ACAD11: variants seen among roughly 807,000 people sequenced by gnomAD.
ACAD11 encodes acyl-CoA dehydrogenase family member 11.
Under a neutral mutation model 102.2 loss-of-function variants are expected in ACAD11, and 83 were observed. The ratio of observed to expected loss-of-function variants is 0.81; its 90% CI spans 0.68 to 0.97. The LOEUF is 0.97. ACAD11 is among the 50% of genes least tolerant of loss of function. The pLI, the probability that ACAD11 is intolerant of heterozygous loss-of-function variation, is 0.00. For missense variants in ACAD11, 901 were observed against 951.7 expected (o/e 0.95, Z 0.70); for synonymous variants, 324 against 319.8 (o/e 1.01, Z -0.14).
At chr3:132,603,157 A>G in intron 13 of ACAD11, 72 bp downstream of exon 13, 1 of 1,227,062 alleles carries the variant, frequency 8.1e-7, no homozygotes. Flanking sequence ...TATGTATCAT[A>G]GCAATATTCT....
At position 132,583,250 on chromosome 3, in the gene ACAD11, G is replaced by T. The variant is rs138012345; in HGVS notation, c.1622-3692C>A. Among the ~76,000 whole-genome samples the T allele has an allele frequency of 5.9e-3, 896 of 152,276 alleles. 7 individuals are homozygous for T. Among genetic ancestry groups the T allele is most frequent in the African/African-American group, 0.02 (837 of 41,562 alleles). ...AGACCCTGTTATTGGTCTATTCAGA[G>T]ATTCAACTTCTTCCTCGTTTAGTCT... On this transcript the variant is annotated intron_variant, in intron 13 of 19. Transcript: ENST00000264990.
At chr3:132,559,720 T>C (rs1381192735) in intron 19 of ACAD11, 113 bp downstream of exon 19, 43 of 778,176 alleles carry the variant, frequency 5.5e-5, no homozygotes, top group Non-Finnish European at 6.5e-5. Context: ...ATCACTTCAT[T>C]TAGCCTTCAA....
chr3:132,632,595 T>C (rs140163451), intron 5 of ACAD11, among the ~76,000 whole-genome samples: 1 of 152,178 alleles, frequency 6.6e-6, no homozygotes, highest in East Asian at 1.9e-4. Context: ...TTTAAAGCAG[T>C]TTTTTCCAAT....
chr3:132,642,092 T>C lies in ACAD11; in HGVS notation c.417A>G (p.Pro139=). Residue 139 remains proline, a synonymous_variant, in exon 4 of 20, where the codon CCA becomes CCG. Transcript: ENST00000264990. ...FRDLTIPGLS[P]AERSAIYVAT... ...CCACATATATGGCTGAACGTTCTGC[T>C]GGGCTAAGTCCAGGAATTGTTAAAT... 1 of 1,614,110 alleles carries C rather than the reference T, an allele frequency of 6.2e-7. No homozygotes were observed. Among genetic ancestry groups the C allele is most frequent in the Non-Finnish European group, 8.5e-7 (1 of 1,179,966 alleles).
chr3:132,657,866 CTTTTTTTTTTT>C (rs56190801), intron 1 of ACAD11, among the ~76,000 whole-genome samples: 3 of 119,166 alleles, frequency 2.5e-5, no homozygotes, highest in Non-Finnish European at 5.2e-5. Context: ...ACACATATTC[CTTTTTTTTTTT>C]TTTTTTTTTG....
chr3:132,610,277 A>G (rs897180787), intron 11 of ACAD11, among the ~76,000 whole-genome samples: 1 of 152,172 alleles, frequency 6.6e-6, no homozygotes, highest in Non-Finnish European at 1.5e-5. Context: ...GAAAGCAGGA[A>G]AGATCTAAAA....
intron 5 of ACAD11, 77 bp from the exon 6 acceptor site, chr3:132,631,556 C>T (rs1940042867): frequency 9.0e-7 from 1 of 1,113,508 alleles, no homozygotes; most frequent in Admixed American, 3.2e-5. Context: ...TAACATTGAA[C>T]ACATTCAAAA....
At chr3:132,608,971 C>T (rs1261872709) in intron 11 of ACAD11, among the ~76,000 whole-genome samples, 2 of 152,124 alleles carry the variant, frequency 1.3e-5, no homozygotes, top group East Asian at 1.9e-4. Flanking sequence ...CAAATTAGAA[C>T]TCAGGATTAA....
At chr3:132,575,181 AACT>A (rs1297641612) in intron 17 of ACAD11, among the ~76,000 whole-genome samples, 7 of 152,094 alleles carry the variant, frequency 4.6e-5, no homozygotes, top group African/African-American at 1.7e-4. Flanking sequence ...GGCCACATGT[AACT>A]ATGTTTACAG....
At chr3:132,584,097 C>G (rs1258666949) in intron 13 of ACAD11, among the ~76,000 whole-genome samples, 1 of 152,140 alleles carries the variant, frequency 6.6e-6, no homozygotes, top group African/African-American at 2.4e-5. Context: ...GAACTGAGTT[C>G]AATTCCTGGA....
intron 17 of ACAD11, among the ~76,000 whole-genome samples, chr3:132,571,279 C>T (rs1937367155): frequency 6.7e-6 from 1 of 149,948 alleles, no homozygotes; most frequent in Non-Finnish European, 1.5e-5. Context: ...TTTCACATGC[C>T]TGTTGGCCAC....
At chr3:132,599,183 T>G (rs1938455327) in intron 13 of ACAD11, among the ~76,000 whole-genome samples, 1 of 151,828 alleles carries the variant, frequency 6.6e-6, no homozygotes, top group South Asian at 2.1e-4. Context: ...ACTCATAACC[T>G]GGTCAATAAA....
At chr3:132,652,168 C>A (rs1330863104) in intron 1 of ACAD11, among the ~76,000 whole-genome samples, 2 of 152,096 alleles carry the variant, frequency 1.3e-5, no homozygotes, top group Admixed American at 6.5e-5. Flanking sequence ...TGAATAATGG[C>A]AGTGGGTCTT....
chr3:132,567,387 A>C (rs1177586257), intron 17 of ACAD11, among the ~76,000 whole-genome samples: 1 of 152,192 alleles, frequency 6.6e-6, no homozygotes, highest in African/African-American at 2.4e-5. Context: ...CTTTAATAAG[A>C]TCTAGAGAGA....
chr3:132,634,502 T>A (rs1940191909), intron 5 of ACAD11, among the ~76,000 whole-genome samples: 1 of 151,970 alleles, frequency 6.6e-6, no homozygotes, highest in Admixed American at 6.6e-5. Flanking sequence ...GTGTGGCGAT[T>A]CCTCAGGGAT....
chr3:132,563,078 G>A (rs1216175367), intron 17 of ACAD11, among the ~76,000 whole-genome samples: 1 of 152,178 alleles, frequency 6.6e-6, no homozygotes, highest in Non-Finnish European at 1.5e-5. Flanking sequence ...TTACTGTAAA[G>A]ATGTAACCTT....
rs775864362 is a variant in ACAD11 at position 132,619,684 on chromosome 3, T to C, written c.1198-139A>G. Reference sequence around the variant, plus strand: ...TATTATTAAACCAGACACAGAAGCATAAAACATTCTAAAGGTTTGCTGATC... The same window carrying C: ...TATTATTAAACCAGACACAGAAGCACAAAACATTCTAAAGGTTTGCTGATC... On this transcript the variant is annotated intron_variant, in intron 9 of 19. Coordinates refer to ENST00000264990, the MANE Select transcript of ACAD11 (RefSeq NM_032169.5). The C allele has an allele frequency of 2.7e-4, 131 of 483,854 alleles. 1 individual carries two copies. The highest frequency in any genetic ancestry group is 2.4e-4 in the Non-Finnish European group (67 of 275,528). The allele number at this position is 483,854 out of a possible 1,614,324, so 30.0% of individuals were successfully genotyped here. A position where few individuals can be genotyped will look rare whatever the true frequency, so the allele number is the denominator to read the frequency against.
chr3:132,612,160 C>T (rs1939183200), intron 11 of ACAD11, among the ~76,000 whole-genome samples: 1 of 151,990 alleles, frequency 6.6e-6, no homozygotes, highest in African/African-American at 2.4e-5. Context: ...GCTGGGAAAA[C>T]TGGCTAGCCA....
chr3:132,659,481 G>T, intron 1 of ACAD11, 122 bp downstream of exon 1: 1 of 1,399,786 alleles, frequency 7.1e-7, no homozygotes, highest in Non-Finnish European at 9.7e-7. Flanking sequence ...TGTAGGGTGC[G>T]TCCACTGACT....
Sources: allele counts gnomAD v4.1 joint callset (sites outside exome capture counted in the v4.1 genomes callset), GRCh38; gene constraint gnomAD v4.1.1; transcripts MANE v1.5; gene names NCBI Gene and HGNC (gene_info 2026-07-23, HGNC 2026-07-21).